GUCY1A2: variants seen among roughly 807,000 people sequenced by gnomAD.
The protein encoded by GUCY1A2 is guanylate cyclase 1 soluble subunit alpha 2.
In GUCY1A2, 27 loss-of-function variants were observed where a neutral mutation model predicts 63.5. The ratio of observed to expected loss-of-function variants is 0.43; its 90% CI spans 0.31 to 0.59. GUCY1A2 has a LOEUF of 0.59. Among genes scored for constraint, GUCY1A2 ranks in the 20% least tolerant of loss-of-function variants. The probability of loss-of-function intolerance (pLI) is 0.11; values close to 1 mark genes in which losing one functional copy is unlikely to be tolerated. For missense variants in GUCY1A2, 768 were observed against 913.3 expected (o/e 0.84, Z 2.05); for synonymous variants, 364 against 343.5 (o/e 1.06, Z -0.66).
At chr11:106,789,853 A>G (rs1864627074) in intron 5 of GUCY1A2, among the ~76,000 whole-genome samples, 1 of 152,148 alleles carries the variant, frequency 6.6e-6, no homozygotes, top group South Asian at 2.1e-4. Flanking sequence ...CTCCCAAACA[A>G]TGGGAGTCTC....
intron 4 of GUCY1A2, among the ~76,000 whole-genome samples, chr11:106,856,424 C>T (rs991595030): frequency 3.9e-5 from 6 of 151,982 alleles, no homozygotes; most frequent in Admixed American, 3.3e-4. Flanking sequence ...AAAAGATCTG[C>T]CTTTTTTTTT....
intron 1 of GUCY1A2, among the ~76,000 whole-genome samples, chr11:106,997,111 C>G (rs1421736823): frequency 6.6e-6 from 1 of 152,118 alleles, no homozygotes; most frequent in African/African-American, 2.4e-5. Flanking sequence ...AGCTATCACT[C>G]TATTACATAT....
chr11:106,914,475 T>C (rs1860341812), intron 4 of GUCY1A2, among the ~76,000 whole-genome samples: 1 of 152,100 alleles, frequency 6.6e-6, no homozygotes, highest in African/African-American at 2.4e-5. Context: ...TTCACTTGGC[T>C]TGGTGTTTCT....
chr11:106,769,726 TAGGAGATTAAA>T (rs1219814727), intron 6 of GUCY1A2, among the ~76,000 whole-genome samples: 2 of 152,124 alleles, frequency 1.3e-5, no homozygotes, highest in East Asian at 3.9e-4. Flanking sequence ...ATGCATTATC[TAGGAGATTAAA>T]AGCAAATTTA....
chr11:106,799,084 T>C (rs1287058567), intron 5 of GUCY1A2, among the ~76,000 whole-genome samples: 2 of 152,132 alleles, frequency 1.3e-5, no homozygotes, highest in Non-Finnish European at 1.5e-5. Flanking sequence ...ACAAAATCAA[T>C]GTGCAAAAAT....
chr11:106,987,952 A>G (rs765765793), intron 1 of GUCY1A2, among the ~76,000 whole-genome samples: 11 of 152,168 alleles, frequency 7.2e-5, no homozygotes, highest in Non-Finnish European at 1.2e-4. Context: ...TCACAAATTA[A>G]TTTTAGGAGG....
At chr11:106,953,348 C>T (rs182284093) in intron 3 of GUCY1A2, among the ~76,000 whole-genome samples, 1 of 152,248 alleles carries the variant, frequency 6.6e-6, no homozygotes, top group East Asian at 1.9e-4. Flanking sequence ...TATGTTGAAC[C>T]AGCCTTGCAT....
intron 6 of GUCY1A2, among the ~76,000 whole-genome samples, chr11:106,758,003 A>G (rs1864003384): frequency 6.6e-6 from 1 of 152,204 alleles, no homozygotes; most frequent in African/African-American, 2.4e-5. Context: ...GGTTTTATCT[A>G]TAATTCCCTG....
chr11:106,725,119 A>G (rs1863382186), intron 6 of GUCY1A2, among the ~76,000 whole-genome samples: 1 of 136,456 alleles, frequency 7.3e-6, no homozygotes, highest in Admixed American at 7.5e-5. Context: ...GATATTTATG[A>G]TATTTCTATG....
chr11:107,015,068 G>A (rs1480128936), intron 1 of GUCY1A2, among the ~76,000 whole-genome samples: 2 of 152,168 alleles, frequency 1.3e-5, no homozygotes, highest in African/African-American at 4.8e-5. Context: ...GGTAAGGACT[G>A]CCCAGAAATG....
At chr11:107,003,896 T>C (rs971859808) in intron 1 of GUCY1A2, among the ~76,000 whole-genome samples, 10 of 152,110 alleles carry the variant, frequency 6.6e-5, no homozygotes, top group Non-Finnish European at 1.2e-4. Context: ...GAAAGCAGAA[T>C]TGGGCACAAG....
chr11:106,908,933 T>C (rs959443861), intron 4 of GUCY1A2, among the ~76,000 whole-genome samples: 2 of 151,990 alleles, frequency 1.3e-5, no homozygotes, highest in African/African-American at 4.8e-5. Flanking sequence ...GGTGAAGAAA[T>C]ATTTTTGGAA....
chr11:106,907,553 G>A (rs917574475), intron 4 of GUCY1A2, among the ~76,000 whole-genome samples: 16 of 149,404 alleles, frequency 1.1e-4, no homozygotes, highest in Non-Finnish European at 1.3e-4. Context: ...TATCCCTCCC[G>A]CCTCCCGCCA....
intron 1 of GUCY1A2, among the ~76,000 whole-genome samples, chr11:106,997,273 G>A (rs1329579434): frequency 6.6e-6 from 1 of 152,068 alleles, no homozygotes; most frequent in Non-Finnish European, 1.5e-5. Flanking sequence ...TTCATATTCA[G>A]AAATCAAATG....
At chr11:106,946,884 A>G (rs944643320) in intron 3 of GUCY1A2, among the ~76,000 whole-genome samples, 2 of 152,162 alleles carry the variant, frequency 1.3e-5, no homozygotes, top group African/African-American at 2.4e-5. Context: ...ATTTCAATAA[A>G]GCATTATATA....
At chr11:107,002,021 A>C (rs972455335) in intron 1 of GUCY1A2, among the ~76,000 whole-genome samples, 1 of 151,610 alleles carries the variant, frequency 6.6e-6, no homozygotes, top group Non-Finnish European at 1.5e-5. Flanking sequence ...TCTGTCTCAA[A>C]AAAAAAAAAA....
intron 7 of GUCY1A2, among the ~76,000 whole-genome samples, chr11:106,699,612 C>T (rs757066359): frequency 2.6e-5 from 4 of 151,986 alleles, no homozygotes; most frequent in Non-Finnish European, 5.9e-5. Flanking sequence ...TTTAGCCCTG[C>T]CGTCATGAGA....
intron 6 of GUCY1A2, among the ~76,000 whole-genome samples, chr11:106,719,092 T>C (rs961481578): frequency 6.6e-5 from 10 of 152,178 alleles, no homozygotes; most frequent in African/African-American, 2.4e-4. Context: ...TTGCCCAGAT[T>C]GAAATCTACC....
chr11:106,927,829 C>T (rs908172178), intron 4 of GUCY1A2, among the ~76,000 whole-genome samples: 1 of 152,032 alleles, frequency 6.6e-6, no homozygotes, highest in Non-Finnish European at 1.5e-5. Context: ...GCCTCAGCCT[C>T]CCAAAGTGCT....
Sources: gnomAD v4.1 joint callset for allele counts (sites outside exome capture counted in the v4.1 genomes callset) on GRCh38, gnomAD v4.1.1 for gene constraint, MANE v1.5 for transcripts, NCBI Gene and HGNC (gene_info 2026-07-23, HGNC 2026-07-21) for gene names.